Variants in FSTL4 observed in about 807,000 individuals in gnomAD.
FSTL4 encodes the protein follistatin-related protein 4.
FSTL4 carries 28 observed loss-of-function variants against 78.2 expected under a neutral mutation model. The observed-to-expected ratio is 0.36, with a 90% CI of 0.27 to 0.49. FSTL4 has a LOEUF of 0.49. Among genes scored for constraint, FSTL4 ranks in the 20% least tolerant of loss-of-function variants. The pLI is 0.98. For missense variants in FSTL4, 922 were observed against 1,084.9 expected, an observed-to-expected ratio of 0.85 and a Z score of 2.11; for synonymous variants, 422 against 440.5, an observed-to-expected ratio of 0.96 and a Z score of 0.53.
chr5:133,457,958 C>T (rs1239138715), intron 3 of FSTL4: 1 of 152,164 alleles, frequency 6.6e-6, no homozygotes, highest in Non-Finnish European at 1.5e-5. Flanking sequence ...GGGTTAATGT[C>T]AAATGTCACC....
chr5:133,310,004 T>C (rs1753742939), intron 6 of FSTL4, among the ~76,000 whole-genome samples: 1 of 152,224 alleles, frequency 6.6e-6, no homozygotes, highest in African/African-American at 2.4e-5. Context: ...GGTAATAACT[T>C]GTACCTATAT....
the FSTL4 span, among the ~76,000 whole-genome samples, chr5:133,826,448 C>T: frequency 6.6e-6 from 1 of 152,336 alleles, no homozygotes; most frequent in South Asian, 2.1e-4. Flanking sequence ...CACCAGACTC[C>T]CTCCAGGGAC....
At chr5:133,719,854 T>C in the FSTL4 span, among the ~76,000 whole-genome samples, 4 of 152,180 alleles carry the variant, frequency 2.6e-5, no homozygotes, top group Non-Finnish European at 5.9e-5. Flanking sequence ...AAGATGGCAG[T>C]ATTCATGAGC....
At chr5:133,329,832 A>G (rs1966711) in intron 4 of FSTL4, among the ~76,000 whole-genome samples, 8,971 of 152,206 alleles carry the variant, frequency 0.059, 812 homozygotes, top group African/African-American at 0.19. Flanking sequence ...TCTCATCTGA[A>G]TTTTTAAATG....
intron 3 of FSTL4, among the ~76,000 whole-genome samples, chr5:133,552,858 CAG>C (rs1161256234): frequency 3.3e-5 from 5 of 152,248 alleles, no homozygotes; most frequent in Admixed American, 6.5e-5. Context: ...CATAAAGAAA[CAG>C]GGGATGAAGC....
At chr5:133,685,907 T>C in the FSTL4 span, among the ~76,000 whole-genome samples, 5 of 152,216 alleles carry the variant, frequency 3.3e-5, no homozygotes, top group African/African-American at 7.2e-5. Context: ...GATTCATTTA[T>C]TTTTCTTATT....
intron 3 of FSTL4, chr5:133,458,037 G>A (rs1450162296): frequency 1.3e-5 from 2 of 152,092 alleles, no homozygotes; most frequent in African/African-American, 2.4e-5. Flanking sequence ...CTATCTATAC[G>A]TTCAGCTGAA....
At chr5:133,836,343 C>T in the FSTL4 span, among the ~76,000 whole-genome samples, 1 of 152,056 alleles carries the variant, frequency 6.6e-6, no homozygotes, top group Non-Finnish European at 1.5e-5. Flanking sequence ...ATAGTGCATA[C>T]CCTATATTGA....
At chr5:133,374,628 T>G (rs1256918695) in intron 4 of FSTL4, among the ~76,000 whole-genome samples, 1 of 152,150 alleles carries the variant, frequency 6.6e-6, no homozygotes, top group Non-Finnish European at 1.5e-5. Context: ...GTGATGATAC[T>G]TGGAGGTGAG....
Position 133,403,710 on chromosome 5 carries a change from G to A in FSTL4, c.161-2724C>T, listed in dbSNP as rs541450771. Reference sequence around the variant, plus strand: ...TATGAGGGGAAGATGGATGTCCGTGGAGGTGGGTCTTCTGGAGTAAAGAGA... The same window carrying A: ...TATGAGGGGAAGATGGATGTCCGTGAAGGTGGGTCTTCTGGAGTAAAGAGA... On this transcript the variant is annotated intron_variant, in intron 3 of 15. Transcript: ENST00000265342. Among the ~76,000 whole-genome samples, 108 of 152,322 alleles carry A rather than the reference G, an allele frequency of 7.1e-4. 2 individuals are homozygous for A. In the South Asian group the frequency reaches 0.013, roughly 18 times the overall value.
At chr5:133,745,308 C>T in the FSTL4 span, among the ~76,000 whole-genome samples, 2 of 152,176 alleles carry the variant, frequency 1.3e-5, no homozygotes, top group East Asian at 3.9e-4. Flanking sequence ...TGTTTTAGAC[C>T]CAGATTAGAA....
intron 4 of FSTL4, among the ~76,000 whole-genome samples, chr5:133,322,982 G>C (rs1314795522): frequency 6.6e-6 from 1 of 152,222 alleles, no homozygotes. Flanking sequence ...CAGCATTACA[G>C]TATGAAATGC....
intron 4 of FSTL4, among the ~76,000 whole-genome samples, chr5:133,337,228 T>C (rs538571694): frequency 7.4e-4 from 113 of 152,298 alleles, no homozygotes; most frequent in African/African-American, 2.5e-3. Flanking sequence ...AGGCAAACCA[T>C]TGAGGGACAT....
chr5:133,826,869 TTAA>T, the FSTL4 span, among the ~76,000 whole-genome samples: 11 of 152,336 alleles, frequency 7.2e-5, no homozygotes, highest in African/African-American at 2.6e-4. Flanking sequence ...TGCCACTGAC[TTAA>T]TAACTAAAAT....
Position 133,443,017 on chromosome 5 carries a change from G to C in FSTL4, c.161-42031C>G, listed in dbSNP as rs183364541. Among the ~76,000 whole-genome samples the C allele has an allele frequency of 1.0e-3, 152 of 152,328 alleles. 1 individual carries two copies. The highest frequency in any genetic ancestry group is 1.9e-3 in the Non-Finnish European group (130 of 68,030). On this transcript the variant is annotated intron_variant, in intron 3 of 15. Transcript: ENST00000265342. ...ATACTTCTGAAGATTCCATTTATCA[G>C]AAAATTGTTACCTCTAAATACACCT...
intron 3 of FSTL4, among the ~76,000 whole-genome samples, chr5:133,499,284 C>T (rs1358492181): frequency 6.6e-6 from 1 of 151,338 alleles, no homozygotes; most frequent in Non-Finnish European, 1.5e-5. Flanking sequence ...TTGAACAGAG[C>T]CCTCTCATGG....
intron 3 of FSTL4, among the ~76,000 whole-genome samples, chr5:133,458,918 A>G (rs1295620176): frequency 6.6e-6 from 1 of 152,128 alleles, no homozygotes; most frequent in Non-Finnish European, 1.5e-5. Flanking sequence ...GTGCACACAC[A>G]CCTGTTGTAG....
chr5:133,841,441 T>C, the FSTL4 span, among the ~76,000 whole-genome samples: 1 of 152,204 alleles, frequency 6.6e-6, no homozygotes, highest in Non-Finnish European at 1.5e-5. Flanking sequence ...GGCCTCCATA[T>C]CCACCAGGAG....
Position 133,312,754 on chromosome 5 carries a change from C to T in FSTL4, c.627G>A (p.Leu209=). 1 of 1,614,110 alleles carries T rather than the reference C, an allele frequency of 6.2e-7. No homozygotes were observed. The highest frequency in any genetic ancestry group is 8.5e-7 in the Non-Finnish European group (1 of 1,179,930). ...LAQHVLKKQD[L]DEDLLGCSPG... ...GTGAGCAACCAAGTAAGTCTTCATC[C>T]AGGTCCTGCTTCTTCAGCACATGCT... The change falls in exon 6 of 16, where the codon CTG becomes CTA. Residue 209 remains leucine, a synonymous_variant. Transcript: ENST00000265342.
Sources: allele counts gnomAD v4.1 joint callset (sites outside exome capture counted in the v4.1 genomes callset), GRCh38; gene constraint gnomAD v4.1.1; transcripts MANE v1.5; gene names NCBI Gene and HGNC (gene_info 2026-07-23, HGNC 2026-07-21).